Variants in GPR55 observed in about 807,000 individuals in gnomAD.
GPR55 encodes G-protein coupled receptor 55.
GPR55 carries 6 observed loss-of-function variants against 7.9 expected under a neutral mutation model. The observed-to-expected ratio is 0.76, with a 90% CI of 0.41 to 1.49. The LOEUF is 1.49. GPR55 is among the 40% of genes most tolerant of loss of function. The pLI, the probability that GPR55 is intolerant of heterozygous loss-of-function variation, is 0.01. For synonymous variants in GPR55, 183 were observed against 166.8 expected (o/e 1.10, Z -0.75); for missense variants, 376 against 406.0 (o/e 0.93, Z 0.63).
rs10188534 is a variant in GPR55 at position 230,958,271 on chromosome 2, G to C, written c.-135+2504C>G. Among the ~76,000 whole-genome samples, 1,263 of 152,168 alleles carry C rather than the reference G, an allele frequency of 8.3e-3. 26 individuals carry two copies. Among genetic ancestry groups the C allele is most frequent in the African/African-American group, 0.029 (1,205 of 41,504 alleles). On this transcript the variant is annotated intron_variant, in intron 1 of 1. Coordinates refer to the GPR55 transcript ENST00000392039. ...AAAAAATTTTTTTAAATGTTTATGG[G>C]TACAATGTAGGTGTATATATTTATG...
Position 230,910,789 on chromosome 2 carries a change from G to A in GPR55, c.174C>T (p.Ala58=). 4 of 1,613,818 alleles carry A rather than the reference G, an allele frequency of 2.5e-6. No homozygotes were observed. Among genetic ancestry groups the A allele is most frequent in the Non-Finnish European group, 3.4e-6 (4 of 1,179,724 alleles). The change falls in exon 2 of 2, where the codon GCC becomes GCT. Residue 58 remains alanine, a synonymous_variant. Transcript: ENST00000650999. This position sits in a 1 kb window ranked among gnomAD's most constrained non-coding sequence, Gnocchi z 5.4. ...CCAGGTTGATCATGTAGATGGAGGT[G>A]GCAGCATAATCGGGCCACCTGTTCT... is the stretch of plus-strand genomic sequence containing the variant. ...FLKNRWPDYA[A]TSIYMINLAV...
chr2:230,949,731 C>T (rs1253701332), intron 1 of GPR55, among the ~76,000 whole-genome samples: 2 of 152,266 alleles, frequency 1.3e-5, no homozygotes, highest in East Asian at 3.9e-4. Context: ...CTGTGTGATA[C>T]CACAATAGAC....
intron 1 of GPR55, among the ~76,000 whole-genome samples, chr2:230,914,991 A>ACAGCAGTG (rs1327857837): frequency 6.6e-6 from 1 of 152,272 alleles, no homozygotes; most frequent in Non-Finnish European, 1.5e-5. Context: ...AGGACTTCAG[A>ACAGCAGTG]CAGCAGTGCA....
intron 1 of GPR55, among the ~76,000 whole-genome samples, chr2:230,915,204 G>T (rs1690681410): frequency 6.6e-6 from 1 of 152,226 alleles, no homozygotes; most frequent in Non-Finnish European, 1.5e-5. Context: ...TGTGGTCAGG[G>T]ACCCTGGGAG....
At position 230,924,209 on chromosome 2, in the gene GPR55, C is replaced by T. The variant is rs527779809; in HGVS notation, c.-135+959G>A. On this transcript the variant is annotated intron_variant, in intron 1 of 1. Transcript: ENST00000650999. This position sits in a 1 kb window ranked among gnomAD's most constrained non-coding sequence, Gnocchi z 4.5. ...CATGAAAGAGGGGGTGAAGAAATGA[C>T]GGAACAAATGGCCAGGTCTGCTGCA... 9.5e-4 allele frequency among the ~76,000 whole-genome samples: 145 copies of T among 152,242 alleles called. No individual in the cohort carries two copies. The highest frequency in any genetic ancestry group is 1.7e-3 in the Non-Finnish European group (116 of 67,986).
chr2:230,948,677 C>A (rs1160204985), intron 1 of GPR55, among the ~76,000 whole-genome samples: 1 of 152,224 alleles, frequency 6.6e-6, no homozygotes, highest in African/African-American at 2.4e-5. Context: ...TCCTTTTAAA[C>A]CACATAATAT....
At chr2:230,955,328 C>T (rs1691464158) in intron 1 of GPR55, among the ~76,000 whole-genome samples, 1 of 152,226 alleles carries the variant, frequency 6.6e-6, no homozygotes, top group Non-Finnish European at 1.5e-5. Context: ...TTTTCCATGT[C>T]TCCTTGATGT....
chr2:230,930,088 T>G (rs1317973124), upstream of GPR55, among the ~76,000 whole-genome samples: 1 of 151,806 alleles, frequency 6.6e-6, no homozygotes, highest in Non-Finnish European at 1.5e-5. Flanking sequence ...GGGCCAGGAG[T>G]CAAGGAATGA....
intron 1 of GPR55, among the ~76,000 whole-genome samples, chr2:230,943,705 G>A (rs1040823251): frequency 1.3e-5 from 2 of 151,844 alleles, no homozygotes; most frequent in East Asian, 1.9e-4. Flanking sequence ...ATGATCTTGC[G>A]CCCTCCCCTT....
At chr2:230,942,221 C>G (rs1244756200) in intron 1 of GPR55, among the ~76,000 whole-genome samples, 1 of 152,204 alleles carries the variant, frequency 6.6e-6, no homozygotes, top group Admixed American at 6.5e-5. Context: ...CTGGGCAGAC[C>G]CCTGAGAATG....
intron 1 of GPR55, among the ~76,000 whole-genome samples, chr2:230,938,478 A>G (rs183099670): frequency 1.3e-4 from 20 of 151,820 alleles, no homozygotes; most frequent in African/African-American, 4.8e-4. Flanking sequence ...TTTCTGTGAG[A>G]TGGTTTTAAC....
chr2:230,915,037 T>C (rs1313242427), intron 1 of GPR55, among the ~76,000 whole-genome samples: 5 of 152,234 alleles, frequency 3.3e-5, no homozygotes, highest in Non-Finnish European at 2.9e-5. Context: ...ATGGGGCATC[T>C]CTGAGCAAAG....
At chr2:230,911,686 A>G (rs75832295) in intron 1 of GPR55, among the ~76,000 whole-genome samples, 1,705 of 152,322 alleles carry the variant, frequency 0.011, 44 homozygotes, top group African/African-American at 0.038. Flanking sequence ...CAGCTGCTGC[A>G]GCCTCTTGTA....
intron 1 of GPR55, among the ~76,000 whole-genome samples, chr2:230,954,199 C>T (rs533983713): frequency 1.3e-5 from 2 of 152,396 alleles, no homozygotes; most frequent in East Asian, 3.9e-4. Flanking sequence ...AGGTGGACCA[C>T]GTGCATCCTT....
At position 230,910,611 on chromosome 2, in the gene GPR55, C is replaced by G; in HGVS notation, c.352G>C (p.Asp118His). The G allele has an allele frequency of 6.2e-7, 1 of 1,613,954 alleles. No individual in the cohort carries two copies. The change falls in exon 2 of 2, where the codon GAC (aspartate) becomes CAC (histidine). Residue 118 changes from aspartate to histidine, a missense_variant. Coordinates refer to ENST00000650999, the MANE Select transcript of GPR55 (RefSeq NM_005683.4). The surrounding 1 kb of genome is among the most constrained non-coding windows in gnomAD (Gnocchi z 5.4). ...SVFTICFISMDRFLAIRYPLL... is the reference protein window; with the variant it reads ...SVFTICFISMHRFLAIRYPLL... ...GGGTAACGGATGGCCAAGAACCGGT[C>G]CATGCTGATGAAGCAGATGGTGAAG...
rs758975790 is a variant in GPR55, at chr2:230,909,771, G to A, written c.*232C>T. ...GGACTTAGAAATCAGTAATTCACCTGGTCTGTGGGTTCTTCAGAGATCCCT... is the reference window on the plus strand; with the variant it reads ...GGACTTAGAAATCAGTAATTCACCTAGTCTGTGGGTTCTTCAGAGATCCCT... On this transcript the variant is annotated 3_prime_UTR_variant, in exon 2 of 2. Coordinates refer to ENST00000650999, the MANE Select transcript of GPR55 (RefSeq NM_005683.4). 3 of 520,400 alleles carry A rather than the reference G, an allele frequency of 5.8e-6. No individual in the cohort carries two copies. The highest frequency in any genetic ancestry group is 1.0e-5 in the Non-Finnish European group (3 of 292,880). 32.2% of individuals were successfully genotyped at this position (520,400 alleles called of 1,614,324 possible).
At chr2:230,921,486 A>C (rs1032132047) in intron 1 of GPR55, among the ~76,000 whole-genome samples, 1 of 152,196 alleles carries the variant, frequency 6.6e-6, no homozygotes, top group East Asian at 1.9e-4. Flanking sequence ...GGTCCTGACC[A>C]CTTAGCTGCA....
chr2:230,948,124 G>T (rs1048898659), intron 1 of GPR55, among the ~76,000 whole-genome samples: 12 of 149,010 alleles, frequency 8.1e-5, no homozygotes, highest in Non-Finnish European at 1.3e-4. Flanking sequence ...CGCCCCCACA[G>T]CTTCCTCCCT....
At chr2:230,934,324 G>C (rs1392946604) in intron 1 of GPR55, among the ~76,000 whole-genome samples, 1 of 152,236 alleles carries the variant, frequency 6.6e-6, no homozygotes, top group Non-Finnish European at 1.5e-5. Context: ...CGAGCACCGA[G>C]TACTGATTCC....
Sources: gnomAD v4.1 joint callset for allele counts (sites outside exome capture counted in the v4.1 genomes callset) on GRCh38, gnomAD v4.1.1 for gene constraint, Gnocchi (gnomAD v3.1) non-coding constraint, MANE v1.5 for transcripts, NCBI Gene and HGNC (gene_info 2026-07-23, HGNC 2026-07-21) for gene names.